OR51B5: variants seen among roughly 807,000 people sequenced by gnomAD.
OR51B5 encodes olfactory receptor 51B5.
For synonymous variants in OR51B5, 186 were observed against 144.8 expected (o/e 1.28, Z -2.04); for missense variants, 456 against 374.6 (o/e 1.22, Z -1.79).
chr11:5,495,335 G>A lies in OR51B5; in HGVS notation n.84+10234C>T, dbSNP rs114941991. Among the ~76,000 whole-genome samples, 908 of 152,282 alleles carry A rather than the reference G, an allele frequency of 6.0e-3. 7 individuals carry two copies. The highest frequency in any genetic ancestry group is 0.021 in the African/African-American group (867 of 41,568). Reference sequence around the variant, plus strand: ...ATCAGAATAATGGTGTAATGGTAATGTGTAACTCACTTTTAATCTTAGTAT... The same window carrying A: ...ATCAGAATAATGGTGTAATGGTAATATGTAACTCACTTTTAATCTTAGTAT... On this transcript the variant is annotated intron_variant and non_coding_transcript_variant, in intron 1 of 4. Coordinates refer to the OR51B5 transcript ENST00000415970.
At chr11:5,396,314 GA>G (rs1849871002) in intron 1 of OR51B5, among the ~76,000 whole-genome samples, 1 of 152,208 alleles carries the variant, frequency 6.6e-6, no homozygotes, top group African/African-American at 2.4e-5. Context: ...TGCATATCTA[GA>G]AAACCCCATT....
At chr11:5,456,864 G>C (rs1850967644) in intron 1 of OR51B5, among the ~76,000 whole-genome samples, 1 of 152,152 alleles carries the variant, frequency 6.6e-6, no homozygotes, top group African/African-American at 2.4e-5. Context: ...TCTCATGATA[G>C]TGAGTGAGTT....
At chr11:5,436,181 G>A (rs1004810103) in intron 1 of OR51B5, among the ~76,000 whole-genome samples, 2 of 152,180 alleles carry the variant, frequency 1.3e-5, no homozygotes, top group Non-Finnish European at 2.9e-5. Flanking sequence ...ATTTTGACCA[G>A]AGGAGACTGC....
At chr11:5,422,885 G>T in intron 1 of OR51B5, 1 of 1,613,896 alleles carries the variant, frequency 6.2e-7, no homozygotes, top group Non-Finnish European at 8.5e-7. Context: ...AAATATCTTG[G>T]GCACAGCCAC....
upstream of OR51B5, among the ~76,000 whole-genome samples, chr11:5,344,829 T>G (rs547858887): frequency 6.6e-5 from 10 of 152,256 alleles, no homozygotes; most frequent in South Asian, 1.9e-3. Context: ...TAAACAAATA[T>G]AAATGCAAGT....
upstream of OR51B5, among the ~76,000 whole-genome samples, chr11:5,345,291 T>C (rs1366970200): frequency 6.6e-6 from 1 of 152,056 alleles, no homozygotes; most frequent in Non-Finnish European, 1.5e-5. Flanking sequence ...AGAAAAGAGA[T>C]GAGTTAGAAA....
chr11:5,403,537 G>A (rs1298005079), intron 1 of OR51B5: 5 of 470,120 alleles, frequency 1.1e-5, no homozygotes, highest in East Asian at 1.4e-4. Flanking sequence ...GAGAAAAGAC[G>A]CAGAGTGTAG....
At chr11:5,482,531 C>T (rs1243968846) in intron 1 of OR51B5, among the ~76,000 whole-genome samples, 62 of 116,160 alleles carry the variant, frequency 5.3e-4, no homozygotes, top group African/African-American at 2.2e-3. Flanking sequence ...TAAAGAGCTT[C>T]TGCACAGCAA....
chr11:5,484,436 G>T (rs1340247337), intron 1 of OR51B5, among the ~76,000 whole-genome samples: 1 of 152,104 alleles, frequency 6.6e-6, no homozygotes, highest in African/African-American at 2.4e-5. Context: ...GCAAGAATAG[G>T]CCAGAAAGAA....
At chr11:5,388,417 G>A (rs1009911132) in intron 1 of OR51B5, among the ~76,000 whole-genome samples, 2 of 151,366 alleles carry the variant, frequency 1.3e-5, no homozygotes, top group Admixed American at 6.6e-5. Context: ...GCCTTCTGAA[G>A]GACATCATAT....
At chr11:5,345,298 G>A (rs538894934), upstream of OR51B5, among the ~76,000 whole-genome samples, 57 of 152,220 alleles carry the variant, frequency 3.7e-4, no homozygotes, top group African/African-American at 1.4e-3. Context: ...AGATGAGTTA[G>A]AAAGCTATTT....
At chr11:5,351,436 G>A in intron 1 of OR51B5, 1 of 1,232,842 alleles carries the variant, frequency 8.1e-7, no homozygotes, top group Non-Finnish European at 1.1e-6. Flanking sequence ...GAATTCTCAA[G>A]GAGCAACTTT....
At chr11:5,474,718 T>G (rs759416702) in intron 1 of OR51B5, among the ~76,000 whole-genome samples, 4 of 152,208 alleles carry the variant, frequency 2.6e-5, no homozygotes, top group Non-Finnish European at 5.9e-5. Flanking sequence ...ACACATACAT[T>G]TCAATGTGTT....
chr11:5,468,322 C>T (rs769332081), intron 1 of OR51B5, among the ~76,000 whole-genome samples: 6 of 152,168 alleles, frequency 3.9e-5, no homozygotes, highest in South Asian at 2.1e-4. Flanking sequence ...TGATGTTTTG[C>T]GTTACAAGTT....
chr11:5,430,127 T>A (rs1850514185), intron 1 of OR51B5, among the ~76,000 whole-genome samples: 1 of 152,184 alleles, frequency 6.6e-6, no homozygotes, highest in Non-Finnish European at 1.5e-5. Flanking sequence ...GTAACATTAA[T>A]AATAATGCTA....
At chr11:5,397,932 T>C (rs1218588765) in intron 1 of OR51B5, among the ~76,000 whole-genome samples, 4 of 145,416 alleles carry the variant, frequency 2.8e-5, no homozygotes, top group Non-Finnish European at 6.0e-5. Flanking sequence ...ACCATCATTC[T>C]CAGCAAACTA....
chr11:5,410,994 C>G (rs1443968547), intron 1 of OR51B5, among the ~76,000 whole-genome samples: 1 of 152,100 alleles, frequency 6.6e-6, no homozygotes, highest in Non-Finnish European at 1.5e-5. Context: ...AGAAAAGATA[C>G]AGTAAGCTAA....
intron 1 of OR51B5, among the ~76,000 whole-genome samples, chr11:5,355,836 G>GTAGTGACATAGTAGGCC: frequency 6.6e-6 from 1 of 152,016 alleles, no homozygotes; most frequent in African/African-American, 2.4e-5. Flanking sequence ...GTAATGCCCT[G>GTAGTGACATAGTAGGCC]CTCTGATTCC....
intron 1 of OR51B5, chr11:5,423,170 A>C (rs1850383572): frequency 6.4e-7 from 1 of 1,566,212 alleles, no homozygotes; most frequent in Non-Finnish European, 8.7e-7. Flanking sequence ...TGCATTTCTT[A>C]AATTACTGAC....
Sources: allele counts gnomAD v4.1 joint callset (sites outside exome capture counted in the v4.1 genomes callset), GRCh38; gene constraint gnomAD v4.1.1; transcripts MANE v1.5; gene names NCBI Gene and HGNC (gene_info 2026-07-23, HGNC 2026-07-21).